Variants in ACCS observed in about 807,000 individuals in gnomAD.
ACCS encodes 1-aminocyclopropane-1-carboxylate synthase-like protein 1.
In ACCS, 42 loss-of-function variants were observed where a neutral mutation model predicts 59.8. The ratio of observed to expected loss-of-function variants is 0.70; its 90% CI spans 0.55 to 0.91. The LOEUF (loss-of-function observed/expected upper bound fraction) is 0.91. Among genes scored for constraint, ACCS ranks in the 40% least tolerant of loss-of-function variants. ACCS has a pLI of 0.00. For missense variants in ACCS, 602 were observed against 630.4 expected, an observed-to-expected ratio of 0.95 and a Z score of 0.48; for synonymous variants, 230 against 240.3, an observed-to-expected ratio of 0.96 and a Z score of 0.40.
intron 12 of ACCS, 148 bp from the exon 13 acceptor site, chr11:44,083,021 T>C: frequency 9.2e-7 from 1 of 1,083,282 alleles, no homozygotes; most frequent in South Asian, 1.5e-5. Context: ...CTCCCCTTCG[T>C]AATCCTTCCC....
At position 44,083,581 on chromosome 11, in the gene ACCS, A is replaced by G; in HGVS notation, c.1408+4A>G. 2.1e-5 allele frequency: 34 copies of G among 1,614,190 alleles called. No individual in the cohort carries two copies. The highest frequency in any genetic ancestry group is 2.8e-5 in the Non-Finnish European group (33 of 1,180,040). On this transcript the variant is annotated splice_donor_region_variant and intron_variant, in intron 14 of 14. Coordinates refer to ENST00000263776, the MANE Select transcript of ACCS (RefSeq NM_032592.4). Reference sequence around the variant, plus strand: ...CAGGTCCACCGGCTTTGCCTGGGTGAGCAGCCTGCCTTTCCAGCCCAGTCC... The same window carrying G: ...CAGGTCCACCGGCTTTGCCTGGGTGGGCAGCCTGCCTTTCCAGCCCAGTCC...
chr11:44,072,137 T>C (rs1953077726), intron 3 of ACCS: 1 of 152,102 alleles, frequency 6.6e-6, no homozygotes, highest in Admixed American at 6.5e-5. Flanking sequence ...GAAGGGGTTA[T>C]AGGGAATAGA....
intron 3 of ACCS, chr11:44,071,517 C>T (rs1953051024): frequency 3.6e-6 from 2 of 557,412 alleles, no homozygotes; most frequent in Non-Finnish European, 3.2e-6. Context: ...ATTTCTTCAT[C>T]TCTGTAGACT....
At chr11:44,076,795 A>C (rs1160809960) in intron 6 of ACCS, among the ~76,000 whole-genome samples, 2 of 152,242 alleles carry the variant, frequency 1.3e-5, no homozygotes, top group Admixed American at 1.3e-4. Flanking sequence ...GTAATTTATA[A>C]AGGAAAGAGG....
chr11:44,077,212 C>T, intron 6 of ACCS, 67 bp from the exon 7 acceptor site: 1 of 1,530,188 alleles, frequency 6.5e-7, no homozygotes, highest in South Asian at 1.2e-5. Context: ...GGACTGGGGA[C>T]AGTGGACAGA....
At position 44,083,897 on chromosome 11, in the gene ACCS, A is replaced by G. The variant is rs1953754365; in HGVS notation, c.*105A>G. On this transcript the variant is annotated 3_prime_UTR_variant, in exon 15 of 15. Coordinates refer to ENST00000263776, the MANE Select transcript of ACCS (RefSeq NM_032592.4). The stretch of plus-strand genomic sequence containing the variant: ...TGGATGTGCCATTTGCCAGGAAGGT[A>G]TCTAACTTGGCTTTGTGCCTGAAGA... 2.6e-6 allele frequency: 4 copies of G among 1,516,346 alleles called. No individual in the cohort carries two copies. The highest frequency in any genetic ancestry group is 4.2e-5 in the Admixed American group (2 of 47,790). The allele number at this position is 1,516,346 out of a possible 1,614,324, so 93.9% of individuals were successfully genotyped here.
rs1325373307 is a variant in ACCS, at chr11:44,080,408, A to G, written c.924-612A>G. The stretch of plus-strand genomic sequence containing the variant: ...GGAGCATGGATTGTGACTCTCATCT[A>G]TTTTTTGGATTAGGAAACTGAGGCA... On this transcript the variant is annotated intron_variant, in intron 10 of 14. Coordinates refer to ENST00000263776, the MANE Select transcript of ACCS (RefSeq NM_032592.4). The G allele has an allele frequency of 2.6e-5, 4 of 153,172 alleles. No individual in the cohort carries two copies. The East Asian group carries it at 7.7e-4, about 29-fold the overall frequency. 9.5% of individuals were successfully genotyped at this position (153,172 alleles called of 1,614,324 possible). A position where few individuals can be genotyped will look rare whatever the true frequency, so the allele number is the denominator to read the frequency against.
chr11:44,080,627 T>G, intron 10 of ACCS: 1 of 217,208 alleles, frequency 4.6e-6, no homozygotes, highest in African/African-American at 2.3e-5. Context: ...ATCCAGCCAT[T>G]GGATTATGGC....
intron 2 of ACCS, among the ~76,000 whole-genome samples, chr11:44,070,849 A>G (rs1953015373): frequency 2.0e-5 from 3 of 152,150 alleles, no homozygotes; most frequent in African/African-American, 2.4e-5. Context: ...AAACCCCTCG[A>G]GAGAAACAGT....
intron 6 of ACCS, chr11:44,075,925 A>AGATGGG (rs1385902396): frequency 1.7e-5 from 4 of 236,074 alleles, no homozygotes; most frequent in Non-Finnish European, 2.5e-5. Context: ...TTTTATCAGG[A>AGATGGG]GATGGGGATG....
At chr11:44,082,480 A>G (rs1275492455) in intron 12 of ACCS, among the ~76,000 whole-genome samples, 7 of 152,210 alleles carry the variant, frequency 4.6e-5, no homozygotes. Flanking sequence ...GATAATTTCA[A>G]AGGAATCCTG....
chr11:44,067,593 C>A, intron 1 of ACCS, 35 bp from the exon 2 acceptor site: 1 of 1,558,156 alleles, frequency 6.4e-7, no homozygotes, highest in South Asian at 1.2e-5. Context: ...TATGGAAATC[C>A]CTTGAGCAGG....
intron 4 of ACCS, 126 bp from the exon 5 acceptor site, chr11:44,074,486 C>T: frequency 1.3e-6 from 1 of 764,962 alleles, no homozygotes; most frequent in Non-Finnish European, 2.3e-6. Context: ...CAGATACACC[C>T]ACACCCCATC....
intron 2 of ACCS, 25 bp downstream of exon 2, chr11:44,067,940 G>A (rs1952868243): frequency 6.4e-7 from 1 of 1,569,866 alleles, no homozygotes; most frequent in Non-Finnish European, 8.6e-7. Flanking sequence ...CCTCCCACTG[G>A]GACCCAAGAG....
intron 7 of ACCS, 121 bp downstream of exon 7, chr11:44,077,497 C>A: frequency 6.6e-7 from 1 of 1,507,222 alleles, no homozygotes. Flanking sequence ...GGGAATGGAG[C>A]CTTCTGTTGC....
chr11:44,079,427 T>A, intron 9 of ACCS, 104 bp from the exon 10 acceptor site: 2 of 915,702 alleles, frequency 2.2e-6, no homozygotes, highest in East Asian at 5.3e-5. Flanking sequence ...AACCCCGGGC[T>A]AGACCCCGGC....
intron 4 of ACCS, 143 bp from the exon 5 acceptor site, chr11:44,074,469 G>T (rs1451896772): frequency 1.4e-6 from 1 of 698,408 alleles, no homozygotes; most frequent in African/African-American, 1.8e-5. Flanking sequence ...GTGCTAAGGA[G>T]TGGAGACAGA....
chr11:44,071,107 C>T, intron 2 of ACCS, 149 bp from the exon 3 acceptor site: 1 of 781,380 alleles, frequency 1.3e-6, no homozygotes. Context: ...GAGCAGAAGG[C>T]ACACCTTGAG....
In ACCS at chr11:44,083,200, C is replaced by T. The variant is rs766745585; in HGVS notation, c.1143C>T (p.Asn381=). 2 of 1,614,080 alleles carry T rather than the reference C, an allele frequency of 1.2e-6. No individual in the cohort carries two copies. The highest frequency in any genetic ancestry group is 3.3e-5 in the Admixed American group (2 of 60,008). ...TCAACCAGGTGTACCTGCCGGAAAA[C>T]CATGCCCGGCTCAAGGCTGCCCACA... ...DWINQVYLPE[N]HARLKAAHTY... Residue 381 remains asparagine (N), a synonymous_variant, in exon 13 of 15, where the codon AAC becomes AAT. Coordinates refer to ENST00000263776, the MANE Select transcript of ACCS (RefSeq NM_032592.4).
Sources: allele counts gnomAD v4.1 joint callset (sites outside exome capture counted in the v4.1 genomes callset), GRCh38; gene constraint gnomAD v4.1.1; transcripts MANE v1.5; gene names NCBI Gene and HGNC (gene_info 2026-07-23, HGNC 2026-07-21).